ARK2N: variants seen among roughly 807,000 people sequenced by gnomAD.
ARK2N encodes the protein protein ARK2N.
the ARK2N span, among the ~76,000 whole-genome samples, chr18:46,207,464 A>G: frequency 1.4e-5 from 2 of 143,350 alleles, no homozygotes; most frequent in Admixed American, 7.6e-5. Flanking sequence ...GTCTCAGCTC[A>G]CTGCAACTTC....
the ARK2N span, among the ~76,000 whole-genome samples, chr18:46,220,963 T>C: frequency 6.6e-6 from 1 of 150,630 alleles, no homozygotes; most frequent in East Asian, 2.0e-4. Context: ...TGGTGAAACC[T>C]CATCGCTACT....
the ARK2N span, chr18:46,217,105 A>C: frequency 1.7e-4 from 26 of 153,138 alleles, no homozygotes; most frequent in Admixed American, 1.7e-3. Flanking sequence ...TATTCAATGC[A>C]TGAGAAGCTA....
At chr18:46,181,437 C>T in the ARK2N span, among the ~76,000 whole-genome samples, 1 of 151,276 alleles carries the variant, frequency 6.6e-6, no homozygotes, top group Non-Finnish European at 1.5e-5. Flanking sequence ...AGAATTGTGC[C>T]AGGCATGGTG....
chr18:46,255,996 G>A, the ARK2N span, among the ~76,000 whole-genome samples: 9 of 152,014 alleles, frequency 5.9e-5, no homozygotes, highest in Non-Finnish European at 1.2e-4. Context: ...TGTTGCTTAT[G>A]ATATAAATTA....
the ARK2N span, among the ~76,000 whole-genome samples, chr18:46,185,706 G>A: frequency 1.3e-5 from 2 of 152,152 alleles, no homozygotes; most frequent in Non-Finnish European, 2.9e-5. Flanking sequence ...ACCAGGTAAG[G>A]CCGGGCGTGG....
chr18:46,217,865 A>C, the ARK2N span: 1 of 152,172 alleles, frequency 6.6e-6, no homozygotes, highest in East Asian at 1.9e-4. Flanking sequence ...CATCAGTTAA[A>C]TGTATGAGAG....
the ARK2N span, among the ~76,000 whole-genome samples, chr18:46,203,027 C>T: frequency 6.6e-6 from 1 of 152,094 alleles, no homozygotes; most frequent in Non-Finnish European, 1.5e-5. Flanking sequence ...CAGAGACTCT[C>T]AGACATTGTT....
At chr18:46,197,810 G>A in the ARK2N span, among the ~76,000 whole-genome samples, 4 of 152,218 alleles carry the variant, frequency 2.6e-5, no homozygotes, top group Non-Finnish European at 5.9e-5. Context: ...CCAGGAGGAC[G>A]TGTGTTGGTA....
At chr18:46,175,499 A>T in the ARK2N span, among the ~76,000 whole-genome samples, 2 of 150,302 alleles carry the variant, frequency 1.3e-5, no homozygotes, top group Non-Finnish European at 2.9e-5. Context: ...TAATCAGAGC[A>T]TTGCCTTTTG....
the ARK2N span, among the ~76,000 whole-genome samples, chr18:46,259,758 A>T: frequency 2.6e-5 from 2 of 77,216 alleles, no homozygotes; most frequent in Admixed American, 1.6e-4. Flanking sequence ...GGTGCCCACT[A>T]CCCCACCCAG....
chr18:46,214,906 A>T, the ARK2N span, among the ~76,000 whole-genome samples: 2 of 152,218 alleles, frequency 1.3e-5, no homozygotes, highest in Admixed American at 1.3e-4. Context: ...TTTCATCTTA[A>T]TGCTTCACTA....
At chr18:46,246,474 A>AT in the ARK2N span, among the ~76,000 whole-genome samples, 1 of 152,078 alleles carries the variant, frequency 6.6e-6, no homozygotes, top group African/African-American at 2.4e-5. Context: ...GTCCTAGCTG[A>AT]TTTGTTTTCT....
chr18:46,180,575 G>A, the ARK2N span, among the ~76,000 whole-genome samples: 2 of 152,216 alleles, frequency 1.3e-5, no homozygotes, highest in East Asian at 1.9e-4. Flanking sequence ...GCATGGTGGC[G>A]CATGCCTGTA....
chr18:46,199,703 G>C, the ARK2N span, among the ~76,000 whole-genome samples: 1 of 152,056 alleles, frequency 6.6e-6, no homozygotes, highest in Non-Finnish European at 1.5e-5. Context: ...TTGCTTATCT[G>C]TTGAGTCACC....
At chr18:46,229,558 A>G in the ARK2N span, among the ~76,000 whole-genome samples, 2 of 151,674 alleles carry the variant, frequency 1.3e-5, no homozygotes, top group Non-Finnish European at 2.9e-5. Flanking sequence ...TGTAGCCAGG[A>G]TGGTCTCGAT....
the ARK2N span, among the ~76,000 whole-genome samples, chr18:46,229,577 G>A: frequency 3.3e-5 from 5 of 151,612 alleles, no homozygotes; most frequent in African/African-American, 9.7e-5. Flanking sequence ...ATCTCCTGAC[G>A]TCATGATCCG....
the ARK2N span, among the ~76,000 whole-genome samples, chr18:46,185,302 A>G: frequency 6.6e-6 from 1 of 152,194 alleles, no homozygotes; most frequent in Non-Finnish European, 1.5e-5. Flanking sequence ...GTTTCTTTTC[A>G]GTTGTCTTTC....
the ARK2N span, among the ~76,000 whole-genome samples, chr18:46,239,294 A>G: frequency 4.6e-5 from 7 of 152,174 alleles, no homozygotes; most frequent in Admixed American, 1.3e-4. Context: ...AATCACCCAT[A>G]AGATTGCATA....
the ARK2N span, among the ~76,000 whole-genome samples, chr18:46,256,491 T>C: frequency 6.6e-6 from 1 of 152,228 alleles, no homozygotes; most frequent in Admixed American, 6.5e-5. Flanking sequence ...ATTTAAATTC[T>C]CAGTTCTCCC....
Sources: gnomAD v4.1 joint callset for allele counts (sites outside exome capture counted in the v4.1 genomes callset) on GRCh38, gnomAD v4.1.1 for gene constraint, MANE v1.5 for transcripts, NCBI Gene and HGNC (gene_info 2026-07-23, HGNC 2026-07-21) for gene names.